LYST: variants seen among roughly 807,000 people sequenced by gnomAD.
The protein encoded by LYST is lysosomal trafficking regulator, also known as lysosomal-trafficking regulator.
Under a neutral mutation model 413.6 loss-of-function variants are expected in LYST, and 192 were observed. That is an observed-to-expected ratio of 0.46 (90% confidence interval 0.41 to 0.52). The LOEUF (loss-of-function observed/expected upper bound fraction) is 0.52, where lower values mean the gene tolerates loss of function less well. Among genes scored for constraint, LYST ranks in the 20% least tolerant of loss-of-function variants. The pLI is 0.00. For synonymous variants in LYST, 1,525 were observed against 1,567.3 expected (o/e 0.97, Z 0.64); for missense variants, 3,815 against 4,499.9 (o/e 0.85, Z 4.35).
Position 235,806,050 on chromosome 1 carries a change from T to A in LYST, c.3086A>T (p.Gln1029Leu). Residue 1029 changes from glutamine (Q) to leucine (L), a missense_variant, in exon 6 of 53, where the codon CAA becomes CTA. By Grantham distance (113) the Gln-to-Leu change is moderately radical. Transcript: ENST00000389793. ...ATCTTCCTTCATAGTTCTCTTAGGT[T>A]GAGAAATTCTGTTTAAATCCTGGTT... ...NENQDLNRISQPKRTMKEDLL... is the reference protein window; with the variant it reads ...NENQDLNRISLPKRTMKEDLL... The A allele has an allele frequency of 6.2e-7, 1 of 1,613,832 alleles. No homozygotes were observed. Among genetic ancestry groups the A allele is most frequent in the African/African-American group, 1.3e-5 (1 of 75,048 alleles).
intron 27 of LYST, among the ~76,000 whole-genome samples, 169 bp downstream of exon 27, chr1:235,751,836 C>G (rs1648439219): frequency 6.6e-6 from 1 of 152,072 alleles, no homozygotes; most frequent in Admixed American, 6.6e-5. Flanking sequence ...CTATTTTTGC[C>G]ACTTTTTCAA....
intron 1 of LYST, among the ~76,000 whole-genome samples, chr1:235,874,089 T>C (rs1043657205): frequency 1.3e-5 from 2 of 152,178 alleles, no homozygotes; most frequent in African/African-American, 4.8e-5. Context: ...TAAAAATATA[T>C]ATGTGTGTTT....
At chr1:235,737,930 TGCCGCGTGCCCCAACACCC>T in intron 31 of LYST, 2 of 1,180,540 alleles carry the variant, frequency 1.7e-6, no homozygotes, top group Non-Finnish European at 1.1e-6. Context: ...TGGATCTCAC[TGCCGCGTGCCCCAACACCC>T]GCCGGACGTG....
At chr1:235,783,085 T>G (rs1489484154) in intron 14 of LYST, among the ~76,000 whole-genome samples, 1 of 152,182 alleles carries the variant, frequency 6.6e-6, no homozygotes, top group Non-Finnish European at 1.5e-5. Flanking sequence ...TAGGAATGTT[T>G]TAAACTCCAT....
At chr1:235,670,789 G>A (rs1178927644) in intron 50 of LYST, among the ~76,000 whole-genome samples, 2 of 152,180 alleles carry the variant, frequency 1.3e-5, no homozygotes, top group Admixed American at 1.3e-4. Context: ...AACCTCCAGT[G>A]GGGAGGGGGG....
Position 235,795,293 on chromosome 1 carries a change from C to A in LYST, c.4007-1681G>T, listed in dbSNP as rs144648929. Among the ~76,000 whole-genome samples, 118 of 152,226 alleles carry A rather than the reference C, an allele frequency of 7.8e-4. 1 individual carries two copies. The highest frequency in any genetic ancestry group is 5.9e-4 in the Non-Finnish European group (40 of 68,018). The stretch of plus-strand genomic sequence containing the variant: ...ACCTGATAACTCTTCTCTAAATAAA[C>A]GAAATGGTCAGGTGTATACAGGCTT... On this transcript the variant is annotated intron_variant, in intron 10 of 52. Coordinates refer to ENST00000389793, the MANE Select transcript of LYST (RefSeq NM_000081.4).
chr1:235,788,811 A>G lies in LYST; in HGVS notation c.4578T>C (p.Asn1526=), dbSNP rs117609949. The change falls in exon 13 of 53, where the codon AAT becomes AAC. Residue 1526 remains asparagine (N), a synonymous_variant. Coordinates refer to ENST00000389793, the MANE Select transcript of LYST (RefSeq NM_000081.4). ...SDRPEGAEYI[N]PGERLIEEGC... is the part of the protein sequence containing the mutation. ...CTTCTTCTATGAGTCTTTCACCAGG[A>G]TTTATGTACTCTGCACCTTCTGGTC... The G allele has an allele frequency of 6.2e-6, 10 of 1,613,620 alleles. No individual in the cohort carries two copies. The highest frequency in any genetic ancestry group is 8.5e-6 in the Non-Finnish European group (10 of 1,179,728).
intron 48 of LYST, among the ~76,000 whole-genome samples, chr1:235,680,202 T>G (rs1659700758): frequency 6.6e-6 from 1 of 152,168 alleles, no homozygotes; most frequent in Non-Finnish European, 1.5e-5. Context: ...TGAACAACTT[T>G]TTTAAGAAAC....
intron 12 of LYST, among the ~76,000 whole-genome samples, chr1:235,790,739 C>G (rs1219611864): frequency 6.6e-6 from 1 of 152,136 alleles, no homozygotes; most frequent in African/African-American, 2.4e-5. Context: ...TTTCAATGAA[C>G]AGTTTTTTTT....
At chr1:235,766,660 T>C (rs1406522622) in intron 20 of LYST, among the ~76,000 whole-genome samples, 2 of 152,162 alleles carry the variant, frequency 1.3e-5, no homozygotes, top group Admixed American at 6.5e-5. Flanking sequence ...TCTTTGTCTA[T>C]GTGAGTAATA....
At chr1:235,864,023 G>A (rs1430931294) in intron 1 of LYST, among the ~76,000 whole-genome samples, 1 of 151,974 alleles carries the variant, frequency 6.6e-6, no homozygotes, top group Non-Finnish European at 1.5e-5. Context: ...ATGTCTGATC[G>A]CCCTGGCCTG....
rs1668116916 is a variant in LYST at position 235,766,087 on chromosome 1, A to G, written c.6113T>C (p.Leu2038Ser). 6.2e-7 allele frequency: 1 copy of G among 1,612,060 alleles called. No homozygotes were observed. Among genetic ancestry groups the G allele is most frequent in the Non-Finnish European group, 8.5e-7 (1 of 1,178,294 alleles). Residue 2038 changes from leucine to serine, a missense_variant, in exon 21 of 53, where the codon TTG becomes TCG. By Grantham distance (145) the Leu-to-Ser change is moderately radical. Transcript: ENST00000389793. ...AAAATGATTATACCTACCTATGTGC[A>G]AAGAAAAGTAGAAGTTCGTGGGATT... ...CHNPTNFYFS[L>S]HIDGKIFQEK...
chr1:235,795,965 AC>A (rs1671515497), intron 10 of LYST, among the ~76,000 whole-genome samples: 1 of 152,096 alleles, frequency 6.6e-6, no homozygotes, highest in African/African-American at 2.4e-5. Context: ...TAACCAGAAA[AC>A]AATCAAAAAA....
intron 46 of LYST, among the ~76,000 whole-genome samples, chr1:235,693,710 C>T (rs1317322163): frequency 6.6e-6 from 1 of 152,084 alleles, no homozygotes; most frequent in East Asian, 1.9e-4. Context: ...GTTGTTTTGA[C>T]TGGGATTTGT....
In LYST at chr1:235,702,975, T is replaced by C; in HGVS notation, c.10146A>G (p.Thr3382=). The C allele has an allele frequency of 1.2e-6, 2 of 1,605,432 alleles. No homozygotes were observed. Among genetic ancestry groups the C allele is most frequent in the Non-Finnish European group, 1.7e-6 (2 of 1,172,084 alleles). The change falls in exon 45 of 53, where the codon ACA becomes ACG. Residue 3382 remains threonine (T), a splice_region_variant and synonymous_variant. Transcript: ENST00000389793. The part of the protein sequence containing the change: ...VQAINVFHPA[T]YFGMDVSAVE... ...CTGCAGAGACATCCATTCCAAAATA[T>C]GTCTGCAGAGTGAAAGAGTAAAGGA...
intron 31 of LYST, 35 bp downstream of exon 31, chr1:235,741,387 C>G: frequency 1.3e-6 from 2 of 1,502,120 alleles, no homozygotes; most frequent in Non-Finnish European, 1.9e-6. Flanking sequence ...TTTCACCAAA[C>G]GTTTTACTTC....
intron 50 of LYST, among the ~76,000 whole-genome samples, chr1:235,668,554 T>C (rs1317869781): frequency 6.6e-6 from 1 of 152,176 alleles, no homozygotes; most frequent in African/African-American, 2.4e-5. Context: ...TACTAGTGAG[T>C]TGGTAATTGC....
rs768828241 is a variant in LYST, at chr1:235,805,946, T to C, written c.3190A>G (p.Lys1064Glu). 6.2e-7 allele frequency: 1 copy of C among 1,613,940 alleles called. No homozygotes were observed. The highest frequency in any genetic ancestry group is 2.2e-5 in the East Asian group (1 of 44,862). The change falls in exon 6 of 53, where the codon AAA becomes GAA. Residue 1064 changes from lysine to glutamate, a missense_variant. Transcript: ENST00000389793. ...GAAGAAATATGCTGTAACTCTAATT[T>C]ACCTAAACTGTCAGCACTCTTTTTT... ...SLKKSADSLG[K>E]LELQHISSIN...
chr1:235,855,973 G>A (rs1294349801), intron 1 of LYST, among the ~76,000 whole-genome samples: 1 of 152,076 alleles, frequency 6.6e-6, no homozygotes, highest in African/African-American at 2.4e-5. Context: ...AGATCTGGTG[G>A]CTGAATCTAC....
Sources: allele counts gnomAD v4.1 joint callset (sites outside exome capture counted in the v4.1 genomes callset), GRCh38; gene constraint gnomAD v4.1.1; transcripts MANE v1.5; gene names NCBI Gene and HGNC (gene_info 2026-07-23, HGNC 2026-07-21).